Variants in IQSEC1 observed in about 807,000 individuals in gnomAD.
The protein encoded by IQSEC1 is IQ motif and Sec7 domain ArfGEF 1.
IQSEC1 carries 31 observed loss-of-function variants against 91.0 expected under a neutral mutation model. The observed-to-expected ratio is 0.34, with a 90% CI of 0.26 to 0.46. IQSEC1 has a LOEUF of 0.46. IQSEC1 is among the 20% of genes least tolerant of loss of function. IQSEC1 has a pLI of 1.00. For missense variants in IQSEC1, 1,388 were observed against 1,575.6 expected (o/e 0.88, Z 2.02); for synonymous variants, 699 against 662.6 (o/e 1.05, Z -0.84).
chr3:12,940,476 C>T lies in IQSEC1; in HGVS notation c.318+1095G>A, dbSNP rs920390013. 8.1e-5 allele frequency among the ~76,000 whole-genome samples: 12 copies of T among 147,308 alleles called. No individual in the cohort carries two copies. The highest frequency in any genetic ancestry group is 2.1e-4 in the East Asian group (1 of 4,738). ...GATCTGGGAGCAAGCAGAGGGCGGGCGGGGCCACAGGATGGGTGTGGGTGG... is the reference window on the plus strand; with the variant it reads ...GATCTGGGAGCAAGCAGAGGGCGGGTGGGGCCACAGGATGGGTGTGGGTGG... On this transcript the variant is annotated intron_variant, in intron 2 of 13. Coordinates refer to ENST00000613206, the MANE Select transcript of IQSEC1 (RefSeq NM_001134382.3). The surrounding 1 kb of genome is among the most constrained non-coding windows in gnomAD (Gnocchi z 4.4).
chr3:13,141,347 C>T (rs1430138741), intron 2 of IQSEC1, among the ~76,000 whole-genome samples: 6 of 152,194 alleles, frequency 3.9e-5, no homozygotes, highest in Admixed American at 1.3e-4. Context: ...GAGAGATGTG[C>T]GGCCCAGGAT....
At chr3:13,056,645 C>T (rs973309119) in intron 1 of IQSEC1, among the ~76,000 whole-genome samples, 2 of 151,620 alleles carry the variant, frequency 1.3e-5, no homozygotes, top group African/African-American at 4.9e-5. Context: ...TGTAACGTCC[C>T]GCACCACCCA....
At chr3:13,088,433 C>T (rs946730978) in intron 2 of IQSEC1, among the ~76,000 whole-genome samples, 3 of 152,078 alleles carry the variant, frequency 2.0e-5, no homozygotes, top group African/African-American at 7.2e-5. Context: ...GCCTGCTCCT[C>T]CCCACTCCTG....
intron 2 of IQSEC1, among the ~76,000 whole-genome samples, chr3:13,119,074 A>C (rs1706382861): frequency 6.9e-6 from 1 of 144,680 alleles, no homozygotes; most frequent in South Asian, 2.2e-4. Flanking sequence ...ACTCTGTCTC[A>C]AAAAAAAAAA....
chr3:12,944,305 A>G (rs928142926), intron 1 of IQSEC1, among the ~76,000 whole-genome samples: 14 of 152,316 alleles, frequency 9.2e-5, no homozygotes, highest in Admixed American at 9.1e-4. Context: ...CTCCCATTCT[A>G]TTGCTAAAGC....
At chr3:12,959,710 G>T (rs974857503) in intron 1 of IQSEC1, among the ~76,000 whole-genome samples, 1 of 152,168 alleles carries the variant, frequency 6.6e-6, no homozygotes, top group South Asian at 2.1e-4. Context: ...CATGAGACAG[G>T]TCCTTGATAT....
intron 1 of IQSEC1, among the ~76,000 whole-genome samples, chr3:12,957,028 T>C (rs998717621): frequency 1.3e-5 from 2 of 152,204 alleles, no homozygotes; most frequent in Admixed American, 1.3e-4. Context: ...GTCTTGTGGC[T>C]GGGCTTGTCC....
At chr3:13,160,403 T>C (rs2124978639) in intron 2 of IQSEC1, among the ~76,000 whole-genome samples, 1 of 152,260 alleles carries the variant, frequency 6.6e-6, no homozygotes, top group Non-Finnish European at 1.5e-5. Context: ...TCAAATGATC[T>C]TCCTGCCTTG....
At chr3:13,199,301 T>A (rs949144088) in intron 1 of IQSEC1, among the ~76,000 whole-genome samples, 10 of 152,204 alleles carry the variant, frequency 6.6e-5, no homozygotes, top group African/African-American at 2.4e-4. Context: ...GACGCAGTCC[T>A]GGTTGACAGC....
chr3:12,982,859 G>C (rs1165725609), intron 1 of IQSEC1, among the ~76,000 whole-genome samples: 1 of 152,226 alleles, frequency 6.6e-6, no homozygotes. Flanking sequence ...CATGCACCAG[G>C]CACTGGAGGA....
At chr3:13,221,057 G>A (rs1035202417) in intron 1 of IQSEC1, among the ~76,000 whole-genome samples, 5 of 152,202 alleles carry the variant, frequency 3.3e-5, no homozygotes, top group African/African-American at 1.2e-4. Context: ...GGAGGCCAGT[G>A]AGCAGGGGAG....
chr3:12,902,755 G>C lies in IQSEC1; in HGVS notation c.2805+18C>G. The C allele has an allele frequency of 6.3e-7, 1 of 1,582,762 alleles. No individual in the cohort carries two copies. The highest frequency in any genetic ancestry group is 8.6e-7 in the Non-Finnish European group (1 of 1,158,208). The stretch of plus-strand genomic sequence containing the variant: ...GCGACACAGGACAGCCAGCTGGACA[G>C]AGGCGCTTCCTACTTACTTCCACAT... On this transcript the variant is annotated intron_variant, in intron 13 of 13. Transcript: ENST00000613206.
In IQSEC1 at chr3:12,941,600, C is replaced by T; in HGVS notation, c.289G>A (p.Glu97Lys). The change falls in exon 2 of 14, where the codon GAG becomes AAG. Residue 97 changes from glutamate (E) to lysine (K), a missense_variant. Glu to Lys is a moderately conservative substitution (Grantham distance 56). This residue lies in a region of IQSEC1 where 1,059 missense variants were observed against 1,317.8 expected (regional missense o/e 0.80). Coordinates refer to ENST00000613206, the MANE Select transcript of IQSEC1 (RefSeq NM_001134382.3). ...KRSRSLSESY[E>K]LSSDLQDKQV... ...TTGTCCTGCAGGTCCGAGGAGAGCT[C>T]ATAGCTCTCGGAGAGTGAGCGTGAG... The T allele has an allele frequency of 6.2e-7, 1 of 1,601,488 alleles. No individual in the cohort carries two copies. The highest frequency in any genetic ancestry group is 8.5e-7 in the Non-Finnish European group (1 of 1,172,774).
intron 1 of IQSEC1, among the ~76,000 whole-genome samples, chr3:13,035,788 G>A (rs990189612): frequency 6.6e-6 from 1 of 152,210 alleles, no homozygotes; most frequent in Non-Finnish European, 1.5e-5. Flanking sequence ...TGAAGATCAT[G>A]CCATAGAAGC....
chr3:12,939,304 A>C (rs1698534459), intron 2 of IQSEC1, among the ~76,000 whole-genome samples: 1 of 152,230 alleles, frequency 6.6e-6, no homozygotes. Context: ...AGTACAGAAG[A>C]GGAACCCGGA....
intron 1 of IQSEC1, among the ~76,000 whole-genome samples, chr3:13,050,582 T>C (rs1691887889): frequency 6.6e-6 from 1 of 152,258 alleles, no homozygotes; most frequent in African/African-American, 2.4e-5. Context: ...GGTTAACACA[T>C]GAGTTCTAGA....
At chr3:13,215,376 C>T (rs1458034272) in intron 1 of IQSEC1, among the ~76,000 whole-genome samples, 4 of 151,678 alleles carry the variant, frequency 2.6e-5, no homozygotes, top group East Asian at 1.9e-4. Flanking sequence ...CAGGAGCACA[C>T]GGAGCTTTGG....
intron 1 of IQSEC1, among the ~76,000 whole-genome samples, chr3:12,984,279 A>G: frequency 6.6e-6 from 1 of 152,178 alleles, no homozygotes; most frequent in East Asian, 1.9e-4. Context: ...GATAGGGAGG[A>G]GACCCCATGC....
chr3:13,190,564 A>C (rs76989013), intron 1 of IQSEC1, among the ~76,000 whole-genome samples: 6 of 56,348 alleles, frequency 1.1e-4, no homozygotes, highest in Non-Finnish European at 1.3e-4. Flanking sequence ...TCAAAAAAAA[A>C]AAACAGATAA....
Sources: allele counts gnomAD v4.1 joint callset (sites outside exome capture counted in the v4.1 genomes callset), GRCh38; gene constraint gnomAD v4.1.1; regional missense constraint gnomAD v4.1.1; non-coding constraint Gnocchi (gnomAD v3.1); transcripts MANE v1.5; gene names NCBI Gene and HGNC (gene_info 2026-07-23, HGNC 2026-07-21).